PPP1R36: variants seen among roughly 807,000 people sequenced by gnomAD.
PPP1R36 encodes protein phosphatase 1 regulatory subunit 36.
In PPP1R36, 47 loss-of-function variants were observed where a neutral mutation model predicts 53.4. That is an observed-to-expected ratio of 0.88 (90% CI 0.70 to 1.12). PPP1R36 has a LOEUF of 1.12. Among genes scored for constraint, PPP1R36 ranks in the 50% most tolerant of loss-of-function variants. The probability of loss-of-function intolerance (pLI) is 0.00; values close to 1 mark genes in which losing one functional copy is unlikely to be tolerated. For synonymous variants in PPP1R36, 153 were observed against 170.5 expected (o/e 0.90, Z 0.80); for missense variants, 456 against 513.9 (o/e 0.89, Z 1.09).
At chr14:64,568,789 A>T (rs2080280678) in intron 7 of PPP1R36, among the ~76,000 whole-genome samples, 1 of 152,210 alleles carries the variant, frequency 6.6e-6, no homozygotes, top group Non-Finnish European at 1.5e-5. Flanking sequence ...GTGATGCAAA[A>T]AATATTATCA....
intron 7 of PPP1R36, among the ~76,000 whole-genome samples, chr14:64,568,762 G>A (rs1017581661): frequency 1.3e-5 from 2 of 152,130 alleles, no homozygotes; most frequent in Non-Finnish European, 1.5e-5. Context: ...TTTTAATAGT[G>A]TCTTTTATTT....
chr14:64,582,713 AT>A (rs1390493891), intron 8 of PPP1R36, among the ~76,000 whole-genome samples: 8 of 152,222 alleles, frequency 5.3e-5, no homozygotes, highest in African/African-American at 1.9e-4. Flanking sequence ...AAAATTTATT[AT>A]TAAAATTAGC....
chr14:64,550,298 T>C (rs1447216770), intron 1 of PPP1R36: 16 of 1,339,766 alleles, frequency 1.2e-5, no homozygotes, highest in East Asian at 3.0e-5. Context: ...TAGTTAGATA[T>C]TTACGAAATC....
chr14:64,584,369 C>A (rs1291668349), intron 8 of PPP1R36, among the ~76,000 whole-genome samples: 1 of 152,184 alleles, frequency 6.6e-6, no homozygotes, highest in African/African-American at 2.4e-5. Flanking sequence ...TGACTTTATT[C>A]CCAAAACAGA....
At chr14:64,575,897 G>A (rs901957958) in intron 8 of PPP1R36, among the ~76,000 whole-genome samples, 1 of 151,858 alleles carries the variant, frequency 6.6e-6, no homozygotes, top group African/African-American at 2.4e-5. Context: ...TGATCCACCC[G>A]CCTCGGCCTC....
intron 8 of PPP1R36, among the ~76,000 whole-genome samples, chr14:64,585,438 C>A (rs1198863875): frequency 6.7e-6 from 1 of 149,896 alleles, no homozygotes; most frequent in African/African-American, 2.5e-5. Context: ...ATCACCTAAG[C>A]CTGGGGAGGT....
At position 64,550,916 on chromosome 14, in the gene PPP1R36, T is replaced by C. The variant is rs2080089229; in HGVS notation, c.70-5T>C. On this transcript the variant is annotated splice_polypyrimidine_tract_variant and splice_region_variant and intron_variant, in intron 1 of 11. Coordinates refer to ENST00000298705, the MANE Select transcript of PPP1R36 (RefSeq NM_172365.3). Reference sequence around the variant, plus strand: ...TATTTTTGCTGCAATCATTTCGTTTTACAGCAGTTGGGATTACGATTAGGG... The same window carrying C: ...TATTTTTGCTGCAATCATTTCGTTTCACAGCAGTTGGGATTACGATTAGGG... 1 of 1,603,488 alleles carries C rather than the reference T, an allele frequency of 6.2e-7. No homozygotes were observed. Among genetic ancestry groups the C allele is most frequent in the African/African-American group, 1.3e-5 (1 of 74,338 alleles).
chr14:64,555,307 A>G (rs2080139607), intron 3 of PPP1R36, among the ~76,000 whole-genome samples: 2 of 152,236 alleles, frequency 1.3e-5, no homozygotes, highest in Admixed American at 1.3e-4. Context: ...ATTCCTACAC[A>G]TGATGTTAAC....
intron 3 of PPP1R36, among the ~76,000 whole-genome samples, chr14:64,564,343 T>C (rs371921760): frequency 7.9e-5 from 12 of 152,210 alleles, no homozygotes; most frequent in East Asian, 3.8e-4. Flanking sequence ...TAAGTTTCCA[T>C]TTTTCTTGTA....
At chr14:64,588,013 G>C in intron 10 of PPP1R36, 91 bp from the exon 11 acceptor site, 1 of 1,254,742 alleles carries the variant, frequency 8.0e-7, no homozygotes, top group East Asian at 2.4e-5. Flanking sequence ...CAAAGGGTTG[G>C]GATTACAGGC....
At chr14:64,580,675 T>C (rs2080381410) in intron 8 of PPP1R36, among the ~76,000 whole-genome samples, 1 of 152,158 alleles carries the variant, frequency 6.6e-6, no homozygotes, top group Non-Finnish European at 1.5e-5. Context: ...ACGTAACAAA[T>C]TCCATACAGG....
intron 8 of PPP1R36, among the ~76,000 whole-genome samples, chr14:64,576,517 A>C (rs933379593): frequency 2.0e-5 from 3 of 152,242 alleles, no homozygotes. Flanking sequence ...ACAGATATAC[A>C]TATGAAGTTT....
At chr14:64,556,020 T>C (rs1205401706) in intron 3 of PPP1R36, among the ~76,000 whole-genome samples, 1 of 152,194 alleles carries the variant, frequency 6.6e-6, no homozygotes, top group Non-Finnish European at 1.5e-5. Flanking sequence ...AGTGCACCAA[T>C]GTTAAGAGTT....
At chr14:64,550,355 C>A in intron 1 of PPP1R36, 1 of 1,088,010 alleles carries the variant, frequency 9.2e-7, no homozygotes, top group Non-Finnish European at 1.2e-6. Flanking sequence ...GGGAGACCTA[C>A]TGCGGGGGAA....
chr14:64,588,172 T>C lies in PPP1R36; in HGVS notation c.959T>C (p.Leu320Pro). The C allele has an allele frequency of 1.9e-6, 3 of 1,614,156 alleles. No homozygotes were observed. The South Asian group carries it at 3.3e-5, about 18-fold the overall frequency. Residue 320 changes from leucine (L) to proline (P), a missense_variant, in exon 11 of 12, where the codon CTG (leucine) becomes CCG (proline). Transcript: ENST00000298705. Reference protein sequence around the residue: ...INMRSPVMSTLLPSLREKAQN... With the variant: ...INMRSPVMSTPLPSLREKAQN... ...ATGCGTTCTCCAGTCATGTCTACTC[T>C]GCTGCCATCTCTCAGAGAAAAAGCT...
At chr14:64,551,573 C>T (rs2080093985) in intron 2 of PPP1R36, 4 of 455,998 alleles carry the variant, frequency 8.8e-6, no homozygotes, top group South Asian at 6.2e-5. Flanking sequence ...CAGATATTTG[C>T]ATATTTTTCC....
intron 1 of PPP1R36, 152 bp downstream of exon 1, chr14:64,550,218 G>A: frequency 7.3e-7 from 1 of 1,379,102 alleles, no homozygotes; most frequent in Non-Finnish European, 9.4e-7. Flanking sequence ...GGCCATATTT[G>A]CCTAGAAAAA....
rs557393727 is a variant in PPP1R36, at chr14:64,586,751, C to A, written c.669-86C>A. 328 of 877,548 alleles carry A rather than the reference C, an allele frequency of 3.7e-4. 10 individuals carry two copies. The South Asian group carries it at 5.0e-3, about 13-fold the overall frequency. The allele number at this position is 877,548 out of a possible 1,614,324, so 54.4% of individuals were successfully genotyped here. ...AATAATCTTGGGGCCAAGATAATGA[C>A]CCTAACTTTAGAGAAAGATAAGGAC... On this transcript the variant is annotated intron_variant, in intron 8 of 11. Transcript: ENST00000298705.
At chr14:64,584,167 G>A (rs1260291277) in intron 8 of PPP1R36, among the ~76,000 whole-genome samples, 3 of 152,132 alleles carry the variant, frequency 2.0e-5, no homozygotes, top group South Asian at 2.1e-4. Flanking sequence ...ATCCCAAAGT[G>A]CTGGGATTAC....
Sources: allele counts gnomAD v4.1 joint callset (sites outside exome capture counted in the v4.1 genomes callset), GRCh38; gene constraint gnomAD v4.1.1; transcripts MANE v1.5; gene names NCBI Gene and HGNC (gene_info 2026-07-23, HGNC 2026-07-21).